OSBPL1A: variants seen among roughly 807,000 people sequenced by gnomAD.
OSBPL1A encodes the protein oxysterol-binding protein-related protein 1.
A neutral mutation model predicts 137.1 loss-of-function variants in OSBPL1A; 80 were observed. The observed-to-expected ratio is 0.58, with a 90% confidence interval of 0.49 to 0.70. OSBPL1A has a LOEUF of 0.70. Among genes scored for constraint, OSBPL1A ranks in the 30% least tolerant of loss-of-function variants. OSBPL1A has a pLI of 0.00. For missense variants in OSBPL1A, 970 were observed against 1,129.4 expected, an observed-to-expected ratio of 0.86 and a Z score of 2.02; for synonymous variants, 365 against 389.7, an observed-to-expected ratio of 0.94 and a Z score of 0.75.
At chr18:24,292,470 T>C (rs1229901194) in intron 14 of OSBPL1A, among the ~76,000 whole-genome samples, 1 of 152,124 alleles carries the variant, frequency 6.6e-6, no homozygotes, top group African/African-American at 2.4e-5. Flanking sequence ...ATATAAGGTA[T>C]AAATTTAAGC....
chr18:24,280,953 A>G lies in OSBPL1A; in HGVS notation c.1175-5T>C. 1 of 1,575,898 alleles carries G rather than the reference A, an allele frequency of 6.3e-7. No homozygotes were observed. On this transcript the variant is annotated splice_polypyrimidine_tract_variant and splice_region_variant and intron_variant, in intron 14 of 27. Transcript: ENST00000319481. ...GAAGAAATGATGGAAGCATTTCTAT[A>G]AAGAAAAAAATAAATACAGTGAGTC...
At chr18:24,318,174 G>A (rs953610226) in intron 9 of OSBPL1A, among the ~76,000 whole-genome samples, 2 of 152,064 alleles carry the variant, frequency 1.3e-5, no homozygotes, top group East Asian at 1.9e-4. Flanking sequence ...TGCCAGTCAC[G>A]GTGGCTCACA....
At chr18:24,283,220 G>A (rs1445551501) in intron 14 of OSBPL1A, among the ~76,000 whole-genome samples, 1 of 130,182 alleles carries the variant, frequency 7.7e-6, no homozygotes, top group Non-Finnish European at 1.5e-5. Context: ...AGCGGAGATG[G>A]CACCACAGCA....
intron 19 of OSBPL1A, among the ~76,000 whole-genome samples, chr18:24,180,663 A>G (rs927594545): frequency 4.6e-5 from 7 of 152,204 alleles, no homozygotes; most frequent in Non-Finnish European, 7.3e-5. Context: ...TCACGAGGTC[A>G]GGAGATCGAG....
intron 11 of OSBPL1A, among the ~76,000 whole-genome samples, chr18:24,315,832 GTATATAT>G (rs2090721986): frequency 9.7e-6 from 1 of 102,822 alleles, no homozygotes; most frequent in African/African-American, 4.1e-5. Context: ...ATAATATATA[GTATATAT>G]TATATAATAA....
chr18:24,325,928 TA>T (rs1483675761), intron 7 of OSBPL1A, among the ~76,000 whole-genome samples: 2 of 152,226 alleles, frequency 1.3e-5, no homozygotes, highest in African/African-American at 2.4e-5. Flanking sequence ...ATTTTAATTT[TA>T]TTTTTTTTCA....
At chr18:24,175,106 ATG>A (rs35318234) in intron 21 of OSBPL1A, among the ~76,000 whole-genome samples, 637 of 23,434 alleles carry the variant, frequency 0.027, 41 homozygotes, top group East Asian at 0.16. Flanking sequence ...TGCCATGTGT[ATG>A]TATATATATA....
At chr18:24,234,198 A>C (rs988411739) in intron 16 of OSBPL1A, among the ~76,000 whole-genome samples, 3 of 152,210 alleles carry the variant, frequency 2.0e-5, no homozygotes, top group Non-Finnish European at 4.4e-5. Flanking sequence ...TATTTGAAGA[A>C]TACTTTATCC....
chr18:24,315,583 AATC>A (rs1213599500), intron 11 of OSBPL1A, among the ~76,000 whole-genome samples: 1 of 93,126 alleles, frequency 1.1e-5, no homozygotes, highest in African/African-American at 4.3e-5. Context: ...TATATATTAT[AATC>A]ATATTAATAT....
intron 15 of OSBPL1A, among the ~76,000 whole-genome samples, chr18:24,252,434 G>A (rs920198144): frequency 2.6e-5 from 4 of 151,798 alleles, no homozygotes; most frequent in African/African-American, 9.7e-5. Flanking sequence ...TTAAAGTGCT[G>A]AAGGAAAAAA....
chr18:24,165,654 G>A (rs1256909579), intron 26 of OSBPL1A, among the ~76,000 whole-genome samples: 1 of 152,172 alleles, frequency 6.6e-6, no homozygotes, highest in African/African-American at 2.4e-5. Flanking sequence ...GTGTGGGAGA[G>A]GATGATTAGC....
At chr18:24,215,525 C>T (rs571560738) in intron 17 of OSBPL1A, among the ~76,000 whole-genome samples, 2 of 152,312 alleles carry the variant, frequency 1.3e-5, no homozygotes, top group South Asian at 4.1e-4. Flanking sequence ...AATTTATTTA[C>T]CTTGCAATTT....
chr18:24,279,776 A>T (rs1456874165), intron 15 of OSBPL1A, among the ~76,000 whole-genome samples: 1 of 152,202 alleles, frequency 6.6e-6, no homozygotes, highest in Non-Finnish European at 1.5e-5. Context: ...TAACTTTTCA[A>T]TCCTTTGAAA....
At chr18:24,275,495 G>A (rs1162913719) in intron 15 of OSBPL1A, among the ~76,000 whole-genome samples, 1 of 152,108 alleles carries the variant, frequency 6.6e-6, no homozygotes, top group African/African-American at 2.4e-5. Context: ...GAACATTAGG[G>A]AACAAAAGAT....
rs762457222 is a variant in OSBPL1A, at chr18:24,333,032, G to C, written c.535C>G (p.Pro179Ala). The C allele has an allele frequency of 6.2e-7, 1 of 1,614,164 alleles. No individual in the cohort carries two copies. The highest frequency in any genetic ancestry group is 8.5e-7 in the Non-Finnish European group (1 of 1,180,020). ...GCCCGGTAAGCTGCACAATGCAAGG[G>C]TGTATTTCCTAACTGATCCGAACAG... ...VNCSDQLGNT[P>A]LHCAAYRAHK... Residue 179 changes from proline (P) to alanine (A), a missense_variant, in exon 7 of 28, where the codon CCC (proline) becomes GCC (alanine). Coordinates refer to ENST00000319481, the MANE Select transcript of OSBPL1A (RefSeq NM_080597.4).
At chr18:24,338,045 C>T (rs2091206082) in intron 5 of OSBPL1A, among the ~76,000 whole-genome samples, 1 of 151,270 alleles carries the variant, frequency 6.6e-6, no homozygotes, top group South Asian at 2.1e-4. Flanking sequence ...ATTCTTGAAA[C>T]TTTCCCATAG....
At chr18:24,248,382 T>C (rs1220204491) in intron 15 of OSBPL1A, among the ~76,000 whole-genome samples, 1 of 152,172 alleles carries the variant, frequency 6.6e-6, no homozygotes, top group Non-Finnish European at 1.5e-5. Flanking sequence ...CCAACACATT[T>C]TCCCATTGGT....
intron 17 of OSBPL1A, among the ~76,000 whole-genome samples, chr18:24,221,907 C>T (rs1380494688): frequency 1.3e-5 from 2 of 152,004 alleles, no homozygotes; most frequent in Non-Finnish European, 2.9e-5. Flanking sequence ...GTTAATGGTC[C>T]ACGGAAATTT....
intron 1 of OSBPL1A, among the ~76,000 whole-genome samples, chr18:24,383,708 C>T (rs1906765449): frequency 1.3e-5 from 2 of 152,148 alleles, no homozygotes; most frequent in Non-Finnish European, 2.9e-5. Flanking sequence ...GAGCTGAGAT[C>T]GTGCCACTGC....
Sources: allele counts gnomAD v4.1 joint callset (sites outside exome capture counted in the v4.1 genomes callset), GRCh38; gene constraint gnomAD v4.1.1; transcripts MANE v1.5; gene names NCBI Gene and HGNC (gene_info 2026-07-23, HGNC 2026-07-21).